ZRANB3: variants seen among roughly 807,000 people sequenced by gnomAD.
ZRANB3 encodes the protein DNA annealing helicase and endonuclease ZRANB3.
ZRANB3 carries 125 observed loss-of-function variants against 133.8 expected under a neutral mutation model. The ratio of observed to expected loss-of-function variants is 0.93; its 90% CI spans 0.81 to 1.08. The LOEUF (loss-of-function observed/expected upper bound fraction) is 1.08, where lower values mean the gene tolerates loss of function less well. ZRANB3 is among the 50% of genes least tolerant of loss of function. The pLI is 0.00. For missense variants in ZRANB3, 1,229 were observed against 1,275.5 expected (o/e 0.96, Z 0.56); for synonymous variants, 387 against 432.7 (o/e 0.89, Z 1.31).
intron 2 of ZRANB3, among the ~76,000 whole-genome samples, chr2:135,411,862 C>T (rs541138969): frequency 5.9e-5 from 9 of 152,172 alleles, no homozygotes; most frequent in South Asian, 4.1e-4. Context: ...CCTCCCATTA[C>T]GCAATATACC....
At chr2:135,468,519 C>A (rs960160739) in intron 2 of ZRANB3, among the ~76,000 whole-genome samples, 1 of 152,158 alleles carries the variant, frequency 6.6e-6, no homozygotes, top group African/African-American at 2.4e-5. Flanking sequence ...TGCAGCTAGG[C>A]AATGCATTTC....
At chr2:135,480,633 C>T (rs904330450) in intron 2 of ZRANB3, among the ~76,000 whole-genome samples, 2 of 151,474 alleles carry the variant, frequency 1.3e-5, no homozygotes, top group African/African-American at 4.9e-5. Flanking sequence ...TATTATTATA[C>T]TTTAAGTTTT....
chr2:135,404,769 C>T (rs1687925385), intron 2 of ZRANB3, among the ~76,000 whole-genome samples: 1 of 152,168 alleles, frequency 6.6e-6, no homozygotes, highest in Non-Finnish European at 1.5e-5. Flanking sequence ...AGAAACTCTA[C>T]AAGCCAGAAG....
chr2:135,335,942 A>G (rs1417226250), intron 6 of ZRANB3, among the ~76,000 whole-genome samples: 1 of 152,226 alleles, frequency 6.6e-6, no homozygotes, highest in African/African-American at 2.4e-5. Context: ...CAAGCCATTT[A>G]AACTCACCAA....
chr2:135,232,669 T>A (rs931232747), intron 12 of ZRANB3, among the ~76,000 whole-genome samples: 1 of 152,170 alleles, frequency 6.6e-6, no homozygotes, highest in Non-Finnish European at 1.5e-5. Context: ...CTGCTTCTGA[T>A]ACCCAGGCAA....
intron 2 of ZRANB3, among the ~76,000 whole-genome samples, chr2:135,421,662 CTA>C (rs1441120928): frequency 6.6e-6 from 1 of 152,114 alleles, no homozygotes; most frequent in East Asian, 1.9e-4. Flanking sequence ...TCTGACTACT[CTA>C]TATCTGTTGC....
chr2:135,215,256 T>C (rs1425958532), intron 17 of ZRANB3, among the ~76,000 whole-genome samples: 1 of 151,234 alleles, frequency 6.6e-6, no homozygotes, highest in Non-Finnish European at 1.5e-5. Context: ...TTTGTTTTGT[T>C]TTATTTTATT....
At chr2:135,212,047 G>A (rs1694111609) in intron 17 of ZRANB3, among the ~76,000 whole-genome samples, 1 of 152,122 alleles carries the variant, frequency 6.6e-6, no homozygotes, top group South Asian at 2.1e-4. Flanking sequence ...AAGAGTCTCT[G>A]CTAATAGTGA....
chr2:135,399,520 T>G (rs1213501973), intron 2 of ZRANB3, among the ~76,000 whole-genome samples: 1 of 152,200 alleles, frequency 6.6e-6, no homozygotes, highest in Non-Finnish European at 1.5e-5. Flanking sequence ...GGAGGGTTTT[T>G]TTTACATTGT....
intron 6 of ZRANB3, among the ~76,000 whole-genome samples, chr2:135,332,363 CCT>C (rs1684188007): frequency 6.6e-6 from 1 of 152,042 alleles, no homozygotes; most frequent in Non-Finnish European, 1.5e-5. Flanking sequence ...AACCTGCTCC[CCT>C]TAGGGCTTCT....
rs1294275066 is a variant in ZRANB3, at chr2:135,207,472, G to A, written c.2971C>T (p.Leu991=). 4 of 1,613,736 alleles carry A rather than the reference G, an allele frequency of 2.5e-6. No individual in the cohort carries two copies. Among genetic ancestry groups the A allele is most frequent in the Admixed American group, 3.3e-5 (2 of 59,994 alleles). The change falls in exon 19 of 21, where the codon CTG becomes TTG. Residue 991 remains leucine, a synonymous_variant. Coordinates refer to ENST00000264159, the MANE Select transcript of ZRANB3 (RefSeq NM_032143.4). ...AGCTTTGAAGTCCAGGTAGCATACA[G>A]AAGATTCTTCCTCTGACTTTTAGGG... is the stretch of plus-strand genomic sequence containing the variant. ...DAPKSQRKNL[L]YATWTSKLPL... is the part of the protein sequence containing the mutation.
chr2:135,306,227 C>T (rs978514447), intron 8 of ZRANB3, among the ~76,000 whole-genome samples: 8 of 151,792 alleles, frequency 5.3e-5, no homozygotes. Context: ...TATTTGGACA[C>T]TTTATGGTAT....
chr2:135,292,272 T>A (rs1408760317), intron 8 of ZRANB3, among the ~76,000 whole-genome samples: 55 of 152,172 alleles, frequency 3.6e-4, no homozygotes, highest in Admixed American at 2.9e-3. Context: ...TTCCTGACAT[T>A]TTAATGATCG....
rs143400226 is a variant in ZRANB3 at position 135,498,444 on chromosome 2, T to C, written c.161+5885A>G. Among the ~76,000 whole-genome samples, 828 of 152,334 alleles carry C rather than the reference T, an allele frequency of 5.4e-3. 7 individuals carry two copies. Among genetic ancestry groups the C allele is most frequent in the African/African-American group, 0.019 (797 of 41,578 alleles). The stretch of plus-strand genomic sequence containing the variant: ...CCAATCAATACTCTTGTGATGCCTG[T>C]CTTTAATCTCTTAATCCCATCATCT... On this transcript the variant is annotated intron_variant, in intron 2 of 20. Transcript: ENST00000264159.
chr2:135,426,863 A>AATATAT (rs60300167), intron 2 of ZRANB3, among the ~76,000 whole-genome samples: 2 of 15,538 alleles, frequency 1.3e-4, no homozygotes, highest in African/African-American at 2.6e-4. Context: ...AAAAAAAAAA[A>AATATAT]ATATATATAT....
chr2:135,526,029 G>A (rs1008901202), intron 1 of ZRANB3, among the ~76,000 whole-genome samples: 33 of 152,054 alleles, frequency 2.2e-4, no homozygotes, highest in Non-Finnish European at 3.7e-4. Flanking sequence ...TGGTGGCTGT[G>A]GTGCAAAGGA....
chr2:135,496,812 T>C (rs1289009921), intron 2 of ZRANB3, among the ~76,000 whole-genome samples: 1 of 152,238 alleles, frequency 6.6e-6, no homozygotes, highest in Non-Finnish European at 1.5e-5. Flanking sequence ...TAAACACTCC[T>C]GTTTTTGAAA....
intron 12 of ZRANB3, among the ~76,000 whole-genome samples, chr2:135,233,178 G>A (rs995045642): frequency 6.6e-6 from 1 of 152,198 alleles, no homozygotes; most frequent in African/African-American, 2.4e-5. Context: ...TGATCAACTG[G>A]AAGAAAGACT....
intron 3 of ZRANB3, among the ~76,000 whole-genome samples, chr2:135,360,361 A>C (rs1685624555): frequency 6.6e-6 from 1 of 151,998 alleles, no homozygotes; most frequent in South Asian, 2.1e-4. Flanking sequence ...AGCCTGGGCG[A>C]CAAGAGTGAA....
Sources: gnomAD v4.1 joint callset for allele counts (sites outside exome capture counted in the v4.1 genomes callset) on GRCh38, gnomAD v4.1.1 for gene constraint, MANE v1.5 for transcripts, NCBI Gene and HGNC (gene_info 2026-07-23, HGNC 2026-07-21) for gene names.